Variants in TAFA1 observed in about 807,000 individuals in gnomAD.
The protein encoded by TAFA1 is TAFA chemokine like family member 1, also known as chemokine-like protein TAFA-1.
In TAFA1, 4 loss-of-function variants were observed where a neutral mutation model predicts 18.5. The observed-to-expected ratio is 0.22, with a 90% CI of 0.11 to 0.49. The LOEUF is 0.49. Among genes scored for constraint, TAFA1 ranks in the 20% least tolerant of loss-of-function variants. The probability of loss-of-function intolerance (pLI) is 0.98; values close to 1 mark genes in which losing one functional copy is unlikely to be tolerated. For synonymous variants in TAFA1, 56 were observed against 55.2 expected (o/e 1.01, Z -0.06); for missense variants, 147 against 169.0 (o/e 0.87, Z 0.72).
intron 3 of TAFA1, among the ~76,000 whole-genome samples, chr3:68,503,486 A>G (rs962658401): frequency 1.3e-5 from 2 of 152,168 alleles, no homozygotes; most frequent in Non-Finnish European, 2.9e-5. Context: ...AGGTAAATCC[A>G]TAGAGATAGA....
At chr3:68,151,580 C>T (rs557637130) in intron 2 of TAFA1, among the ~76,000 whole-genome samples, 1 of 152,052 alleles carries the variant, frequency 6.6e-6, no homozygotes, top group African/African-American at 2.4e-5. Context: ...GGTGGAAGGG[C>T]AAAAAAGCTT....
intron 2 of TAFA1, among the ~76,000 whole-genome samples, chr3:68,132,797 T>C (rs1214410655): frequency 2.6e-5 from 4 of 152,214 alleles, no homozygotes; most frequent in African/African-American, 9.6e-5. Flanking sequence ...GATGGATAGA[T>C]TAGAAAACTT....
intron 2 of TAFA1, among the ~76,000 whole-genome samples, chr3:68,138,217 A>C (rs967543756): frequency 6.6e-6 from 1 of 152,212 alleles, no homozygotes; most frequent in African/African-American, 2.4e-5. Flanking sequence ...GAGCAGAGCC[A>C]TGTGACAAGA....
At chr3:68,543,128 G>A (rs968023321) in intron 4 of TAFA1, among the ~76,000 whole-genome samples, 2 of 152,138 alleles carry the variant, frequency 1.3e-5, no homozygotes, top group African/African-American at 4.8e-5. Flanking sequence ...AAAATGAGAG[G>A]CAGGTTTGCC....
At chr3:68,497,828 A>G (rs1209349411) in intron 3 of TAFA1, among the ~76,000 whole-genome samples, 1 of 152,178 alleles carries the variant, frequency 6.6e-6, no homozygotes, top group Non-Finnish European at 1.5e-5. Context: ...ACTGCTGTGC[A>G]TAGAAATAGC....
At chr3:68,048,235 A>G (rs1156251474) in intron 2 of TAFA1, among the ~76,000 whole-genome samples, 1 of 152,118 alleles carries the variant, frequency 6.6e-6, no homozygotes, top group Non-Finnish European at 1.5e-5. Context: ...GAAAATAGAC[A>G]TATGTGGGGT....
intron 2 of TAFA1, among the ~76,000 whole-genome samples, chr3:68,283,062 T>C (rs1270490896): frequency 6.6e-6 from 1 of 152,220 alleles, no homozygotes; most frequent in Non-Finnish European, 1.5e-5. Flanking sequence ...GAAGGTAACC[T>C]TCCTCATTGA....
At chr3:68,287,477 G>C (rs1389104394) in intron 2 of TAFA1, among the ~76,000 whole-genome samples, 2 of 143,868 alleles carry the variant, frequency 1.4e-5, no homozygotes, top group Non-Finnish European at 3.0e-5. Context: ...GGGGCAATGA[G>C]ATTTTTTTCT....
chr3:68,381,403 C>T (rs571100289), intron 2 of TAFA1, among the ~76,000 whole-genome samples: 1 of 152,054 alleles, frequency 6.6e-6, no homozygotes, highest in South Asian at 2.1e-4. Context: ...TACCCATGAG[C>T]ATGGAATGTT....
At chr3:68,322,848 C>T (rs1432279399) in intron 2 of TAFA1, among the ~76,000 whole-genome samples, 1 of 152,126 alleles carries the variant, frequency 6.6e-6, no homozygotes, top group African/African-American at 2.4e-5. Flanking sequence ...GAGGCTGAGA[C>T]AGAAGAATCT....
At chr3:67,999,792 CCTTT>C (rs1030048992), upstream of TAFA1, among the ~76,000 whole-genome samples, 4 of 144,896 alleles carry the variant, frequency 2.8e-5, no homozygotes, top group South Asian at 2.1e-4. Context: ...TTATTTCTTT[CCTTT>C]CTTTTTTTTT....
At chr3:68,302,766 C>T (rs1321775876) in intron 2 of TAFA1, among the ~76,000 whole-genome samples, 1 of 152,152 alleles carries the variant, frequency 6.6e-6, no homozygotes, top group Non-Finnish European at 1.5e-5. Flanking sequence ...CTCATCCCCA[C>T]TTGGACATTT....
intron 2 of TAFA1, among the ~76,000 whole-genome samples, chr3:68,136,183 G>A (rs1433820396): frequency 6.6e-6 from 1 of 152,114 alleles, no homozygotes; most frequent in Non-Finnish European, 1.5e-5. Context: ...ACACATGATA[G>A]ACCTATATTT....
chr3:68,076,295 A>ATGTT (rs1156693551), intron 2 of TAFA1, among the ~76,000 whole-genome samples: 6 of 150,424 alleles, frequency 4.0e-5, no homozygotes, highest in East Asian at 1.9e-4. Flanking sequence ...TTTTTTTTGA[A>ATGTT]TGTTTGTTTG....
chr3:68,445,036 A>T (rs1215335946), intron 3 of TAFA1, among the ~76,000 whole-genome samples: 1 of 152,046 alleles, frequency 6.6e-6, no homozygotes, highest in African/African-American at 2.4e-5. Flanking sequence ...ATGGACAGTT[A>T]TCTTGAGAAT....
intron 2 of TAFA1, among the ~76,000 whole-genome samples, chr3:68,209,937 C>G (rs1247932374): frequency 1.3e-5 from 2 of 151,900 alleles, no homozygotes; most frequent in Non-Finnish European, 2.9e-5. Context: ...ATATTTTAAA[C>G]TCATCAGCAT....
At chr3:68,051,195 A>G (rs921821145) in intron 2 of TAFA1, among the ~76,000 whole-genome samples, 12 of 152,122 alleles carry the variant, frequency 7.9e-5, no homozygotes, top group African/African-American at 2.9e-4. Context: ...CTAGGCTTAG[A>G]GTATGTGGAT....
chr3:68,374,312 T>A (rs2069767496), intron 2 of TAFA1, among the ~76,000 whole-genome samples: 1 of 152,134 alleles, frequency 6.6e-6, no homozygotes, highest in Non-Finnish European at 1.5e-5. Flanking sequence ...GATCATACTT[T>A]ATATACACGG....
intron 3 of TAFA1, among the ~76,000 whole-genome samples, chr3:68,480,810 G>A (rs2072220603): frequency 6.6e-6 from 1 of 152,134 alleles, no homozygotes; most frequent in South Asian, 2.1e-4. Context: ...ATCTTGAATT[G>A]TAGCTCCCAT....
Sources: allele counts gnomAD v4.1 joint callset (sites outside exome capture counted in the v4.1 genomes callset), GRCh38; gene constraint gnomAD v4.1.1; transcripts MANE v1.5; gene names NCBI Gene and HGNC (gene_info 2026-07-23, HGNC 2026-07-21).